The following SCTR variants were observed in gnomAD, a reference collection of about 807,000 sequenced individuals.
SCTR encodes the protein pancreatic secretin receptor.
Under a neutral mutation model 60.8 loss-of-function variants are expected in SCTR, and 56 were observed. The ratio of observed to expected loss-of-function variants is 0.92; its 90% CI spans 0.74 to 1.15. The LOEUF (loss-of-function observed/expected upper bound fraction) is 1.15, where lower values mean the gene tolerates loss of function less well. Ranked by LOEUF, SCTR falls within the 50% of genes most tolerant of loss-of-function variation. The probability of loss-of-function intolerance (pLI) is 0.00; values close to 1 mark genes in which losing one functional copy is unlikely to be tolerated. For synonymous variants in SCTR, 202 were observed against 217.0 expected (o/e 0.93, Z 0.61); for missense variants, 562 against 550.4 (o/e 1.02, Z -0.21).
chr2:119,474,152 G>T (rs1176826722), intron 3 of SCTR, among the ~76,000 whole-genome samples: 5 of 152,082 alleles, frequency 3.3e-5, no homozygotes, highest in African/African-American at 1.2e-4. Flanking sequence ...GCTGCTCACT[G>T]CCCCCCACCC....
intron 7 of SCTR, among the ~76,000 whole-genome samples, chr2:119,458,644 C>A (rs1463065733): frequency 6.6e-6 from 1 of 151,616 alleles, no homozygotes; most frequent in African/African-American, 2.4e-5. Context: ...GTGCTTTGGG[C>A]AAAGAACATG....
chr2:119,459,481 T>C (rs574388805), intron 7 of SCTR, among the ~76,000 whole-genome samples: 31 of 152,244 alleles, frequency 2.0e-4, no homozygotes, highest in African/African-American at 7.0e-4. Context: ...CAACCTATCT[T>C]TGATGAAATC....
intron 3 of SCTR, among the ~76,000 whole-genome samples, chr2:119,476,249 T>C (rs1156953127): frequency 6.7e-6 from 1 of 150,366 alleles, no homozygotes; most frequent in African/African-American, 2.5e-5. Flanking sequence ...GAAGGAGGGG[T>C]GGGTGGGAGT....
intron 5 of SCTR, 149 bp downstream of exon 5, chr2:119,465,640 C>T: frequency 3.2e-6 from 2 of 617,288 alleles, no homozygotes; most frequent in East Asian, 2.8e-5. Flanking sequence ...ACAGGAACCT[C>T]GATGTTTTGC....
intron 2 of SCTR, among the ~76,000 whole-genome samples, chr2:119,489,012 G>A (rs2104885344): frequency 6.6e-6 from 1 of 152,304 alleles, no homozygotes; most frequent in Non-Finnish European, 1.5e-5. Context: ...CACGGGGAGA[G>A]TCTTTTCCTC....
intron 6 of SCTR, among the ~76,000 whole-genome samples, chr2:119,463,161 CT>C (rs1208564483): frequency 6.6e-6 from 1 of 152,032 alleles, no homozygotes; most frequent in Non-Finnish European, 1.5e-5. Context: ...AATTTCCAAT[CT>C]CTTTTCTCCC....
rs770812023 is a variant in SCTR at position 119,461,961 on chromosome 2, T to C, written c.676A>G (p.Ile226Val). ...KLVMVLFQYC[I>V]MANYSWLLVE... ...AGCAGCCAGGAGTAGTTGGCCATGA[T>C]GCAGTACTGGAACAGCACCATGACC... The change falls in exon 7 of 13, where the codon ATC becomes GTC. Residue 226 changes from isoleucine to valine, a missense_variant. By Grantham distance (29) the Ile-to-Val change is conservative. Coordinates refer to ENST00000019103, the MANE Select transcript of SCTR (RefSeq NM_002980.3). 3.7e-6 allele frequency: 6 copies of C among 1,613,818 alleles called. No individual in the cohort carries two copies. Among genetic ancestry groups the C allele is most frequent in the Non-Finnish European group, 5.1e-6 (6 of 1,179,880 alleles).
chr2:119,501,585 C>G (rs1322374403), intron 1 of SCTR, among the ~76,000 whole-genome samples: 1 of 151,980 alleles, frequency 6.6e-6, no homozygotes, highest in Non-Finnish European at 1.5e-5. Flanking sequence ...TGATAGTTAG[C>G]AATAATTTAT....
At chr2:119,519,750 G>A (rs566561042) in intron 1 of SCTR, among the ~76,000 whole-genome samples, 1 of 134,212 alleles carries the variant, frequency 7.5e-6, no homozygotes, top group Non-Finnish European at 1.5e-5. Flanking sequence ...AGGTTGCAGT[G>A]AGCCAAGATC....
chr2:119,474,402 G>A (rs1164775961), intron 3 of SCTR, among the ~76,000 whole-genome samples: 1 of 152,224 alleles, frequency 6.6e-6, no homozygotes, highest in Non-Finnish European at 1.5e-5. Flanking sequence ...CTAGCCAGGA[G>A]GGAAGTCTTG....
intron 4 of SCTR, among the ~76,000 whole-genome samples, chr2:119,469,695 G>A (rs1227104038): frequency 6.6e-6 from 1 of 152,278 alleles, no homozygotes; most frequent in Non-Finnish European, 1.5e-5. Flanking sequence ...GTCTCCCTAT[G>A]TGGCCCAGAC....
chr2:119,498,626 T>A (rs1678431318), intron 1 of SCTR, among the ~76,000 whole-genome samples: 1 of 152,124 alleles, frequency 6.6e-6, no homozygotes, highest in African/African-American at 2.4e-5. Context: ...TAAGATTCTA[T>A]ACTATCCTTG....
intron 4 of SCTR, among the ~76,000 whole-genome samples, chr2:119,467,220 A>T (rs142245941): frequency 0.019 from 2,851 of 152,160 alleles, 91 homozygotes; most frequent in African/African-American, 0.065. Context: ...CTCTACCAAA[A>T]ATACAAAAAT....
intron 4 of SCTR, among the ~76,000 whole-genome samples, chr2:119,468,263 G>T (rs1365212380): frequency 6.6e-6 from 1 of 152,186 alleles, no homozygotes; most frequent in African/African-American, 2.4e-5. Context: ...CACAAGAATA[G>T]AATAGGGGAA....
chr2:119,449,673 G>A (rs569797359), intron 9 of SCTR, among the ~76,000 whole-genome samples: 2 of 152,144 alleles, frequency 1.3e-5, no homozygotes, highest in East Asian at 1.9e-4. Context: ...ATAGAAGCAG[G>A]GATCAGTGGA....
intron 2 of SCTR, chr2:119,479,353 A>C: frequency 1.1e-6 from 1 of 883,730 alleles, no homozygotes; most frequent in Non-Finnish European, 1.4e-6. Context: ...CCGGCGTGGC[A>C]CACAGGGATC....
intron 3 of SCTR, among the ~76,000 whole-genome samples, chr2:119,475,645 A>G (rs71424317): frequency 0.012 from 1,744 of 146,620 alleles, 39 homozygotes; most frequent in Non-Finnish European, 0.014. Flanking sequence ...TATTATATAT[A>G]TAATATAAAT....
intron 1 of SCTR, among the ~76,000 whole-genome samples, chr2:119,521,632 C>T (rs914932344): frequency 5.3e-5 from 8 of 152,114 alleles, no homozygotes; most frequent in African/African-American, 1.9e-4. Context: ...TCACTTCTGA[C>T]GCCTCCCTAT....
intron 7 of SCTR, among the ~76,000 whole-genome samples, chr2:119,456,712 T>C (rs1396424757): frequency 1.3e-5 from 2 of 152,126 alleles, no homozygotes; most frequent in Non-Finnish European, 2.9e-5. Flanking sequence ...GACTGTAACC[T>C]TACTTGGAAA....
Sources: gnomAD v4.1 joint callset for allele counts (sites outside exome capture counted in the v4.1 genomes callset) on GRCh38, gnomAD v4.1.1 for gene constraint, MANE v1.5 for transcripts, NCBI Gene and HGNC (gene_info 2026-07-23, HGNC 2026-07-21) for gene names.